The following DOK7 variants were observed in gnomAD, a reference collection of about 807,000 sequenced individuals.
The protein encoded by DOK7 is protein Dok-7.
A neutral mutation model predicts 30.7 loss-of-function variants in DOK7; 32 were observed. The ratio of observed to expected loss-of-function variants is 1.04; its 90% CI spans 0.79 to 1.40. DOK7 has a LOEUF of 1.40. DOK7 is among the 40% of genes most tolerant of loss of function. The pLI is 0.00. For synonymous variants in DOK7, 447 were observed against 324.1 expected (o/e 1.38, Z -4.07); for missense variants, 1,007 against 699.2 (o/e 1.44, Z -4.97).
rs1449408185 is a variant in DOK7, at chr4:3,468,902, T to A, written c.101-4504T>A. Reference sequence around the variant, plus strand: ...ACGAGTGTGCCTGTGTATGTGTGCATGTCTGTGTGTGTATGTGTGTATGAG... The same window carrying A: ...ACGAGTGTGCCTGTGTATGTGTGCAAGTCTGTGTGTGTATGTGTGTATGAG... On this transcript the variant is annotated intron_variant, in intron 2 of 6. Transcript: ENST00000340083. Among the ~76,000 whole-genome samples, 3 of 132,602 alleles carry A rather than the reference T, an allele frequency of 2.3e-5. No homozygotes were observed. In the East Asian group the frequency reaches 6.1e-4, roughly 27 times the overall value. 87.0% of individuals were successfully genotyped at this position (132,602 alleles called of 152,430 possible). A position where few individuals can be genotyped will look rare whatever the true frequency, so the allele number is the denominator to read the frequency against.
chr4:3,485,721 G>T, intron 5 of DOK7, 63 bp downstream of exon 5: 1 of 1,434,572 alleles, frequency 7.0e-7, no homozygotes. Context: ...ACGTCCCGGG[G>T]CGGGGGGCCA....
chr4:3,464,744 C>T (rs976114735), intron 2 of DOK7, among the ~76,000 whole-genome samples: 3 of 152,134 alleles, frequency 2.0e-5, no homozygotes, highest in Admixed American at 1.3e-4. Flanking sequence ...AGAGGAGTGT[C>T]GGGGGAGAAG....
chr4:3,491,158 T>C (rs1249778370), intron 6 of DOK7, among the ~76,000 whole-genome samples: 1 of 89,548 alleles, frequency 1.1e-5, no homozygotes, highest in African/African-American at 4.3e-5. Context: ...CCTTCCTTCC[T>C]TCTTCCTCCT....
intron 5 of DOK7, 80 bp from the exon 6 acceptor site, chr4:3,489,597 A>T: frequency 6.5e-7 from 1 of 1,548,318 alleles, no homozygotes; most frequent in Non-Finnish European, 8.7e-7. Context: ...ATAACCACTG[A>T]GTCAGGCTGG....
intron 2 of DOK7, among the ~76,000 whole-genome samples, chr4:3,469,740 A>G (rs974237644): frequency 4.6e-5 from 7 of 152,140 alleles, no homozygotes; most frequent in Non-Finnish European, 1.0e-4. Flanking sequence ...TGGAGCTTCC[A>G]TCTCTCTGGT....
In DOK7 at chr4:3,494,241, A is replaced by G. The variant is rs1322396542; in HGVS notation, c.*740A>G. The G allele has an allele frequency of 2.0e-6, 2 of 985,384 alleles. No homozygotes were observed. Among genetic ancestry groups the G allele is most frequent in the Non-Finnish European group, 2.4e-6 (2 of 830,002 alleles). 61.0% of individuals were successfully genotyped at this position (985,384 alleles called of 1,614,324 possible). A position where few individuals can be genotyped will look rare whatever the true frequency, so the allele number is the denominator to read the frequency against. On this transcript the variant is annotated 3_prime_UTR_variant, in exon 7 of 7. Transcript: ENST00000340083. ...CTGGCTCCTGTCTGAACCTCCTCGC[A>G]GGGCCAAAGGCTGGCTTGGCCTGTG...
At chr4:3,470,504 G>C (rs1344426480) in intron 2 of DOK7, among the ~76,000 whole-genome samples, 1 of 152,180 alleles carries the variant, frequency 6.6e-6, no homozygotes, top group African/African-American at 2.4e-5. Context: ...ATCAGAAAGA[G>C]GTCTGAGGGT....
intron 3 of DOK7, 108 bp from the exon 4 acceptor site, chr4:3,476,234 G>C (rs184901863): frequency 1.4e-5 from 3 of 219,008 alleles, no homozygotes; most frequent in Admixed American, 2.2e-4. Context: ...CCGCCTGCCC[G>C]TGATGCCCTC....
chr4:3,491,648 C>A (rs1246280285), intron 6 of DOK7, among the ~76,000 whole-genome samples: 1 of 152,230 alleles, frequency 6.6e-6, no homozygotes, highest in East Asian at 1.9e-4. Flanking sequence ...CCTTTGAATC[C>A]TTTCCTGCCC....
At chr4:3,500,210 T>G in intron 6 of DOK7, 1 of 1,530,590 alleles carries the variant, frequency 6.5e-7, no homozygotes, top group Non-Finnish European at 8.7e-7. Flanking sequence ...TCTGTGCCCC[T>G]CTCGGTCCCC....
chr4:3,491,411 CTTCTTTCCTTCTTCCCCTGCTCA>C (rs999074774), intron 6 of DOK7, among the ~76,000 whole-genome samples: 5 of 45,732 alleles, frequency 1.1e-4, no homozygotes, highest in Non-Finnish European at 1.9e-4. Context: ...CCCCAGCTTC[CTTCTTTCCTTCTTCCCCTGCTCA>C]TTCATTTCTT....
chr4:3,475,201 C>A (rs1397799504), intron 3 of DOK7, among the ~76,000 whole-genome samples: 1 of 152,222 alleles, frequency 6.6e-6, no homozygotes, highest in Non-Finnish European at 1.5e-5. Flanking sequence ...CCAGAAAGTT[C>A]TCCCGTTGGG....
chr4:3,464,740 G>A (rs1241915753), intron 2 of DOK7, among the ~76,000 whole-genome samples: 1 of 152,194 alleles, frequency 6.6e-6, no homozygotes, highest in African/African-American at 2.4e-5. Context: ...CCAAAGAGGA[G>A]TGTCGGGGGA....
At chr4:3,468,015 C>A (rs1337056218) in intron 2 of DOK7, among the ~76,000 whole-genome samples, 1 of 152,228 alleles carries the variant, frequency 6.6e-6, no homozygotes, top group Non-Finnish European at 1.5e-5. Context: ...AAGATTTCAA[C>A]ACTGGAATTT....
chr4:3,466,061 C>T (rs1357998753), intron 2 of DOK7, among the ~76,000 whole-genome samples: 1 of 152,210 alleles, frequency 6.6e-6, no homozygotes, highest in African/African-American at 2.4e-5. Context: ...CTCAGAAAAG[C>T]CACCGGGAGG....
chr4:3,464,839 C>G (rs1240602597), intron 2 of DOK7, among the ~76,000 whole-genome samples: 1 of 152,194 alleles, frequency 6.6e-6, no homozygotes, highest in Non-Finnish European at 1.5e-5. Flanking sequence ...GGTGTGCTCC[C>G]CCGGCCGGTG....
intron 6 of DOK7, among the ~76,000 whole-genome samples, chr4:3,490,110 C>CCTCATTCATTCCTTTCTTCACCCCCT (rs112331566): frequency 0.037 from 1,927 of 52,690 alleles, 159 homozygotes; most frequent in East Asian, 0.058. Flanking sequence ...TTCTTCACCC[C>CCTCATTCATTCCTTTCTTCACCCCCT]CATTCATTCC....
At chr4:3,492,003 G>A (rs1173645109) in intron 6 of DOK7, among the ~76,000 whole-genome samples, 5 of 152,226 alleles carry the variant, frequency 3.3e-5, no homozygotes, top group African/African-American at 1.2e-4. Context: ...CCCTGCCCCA[G>A]GAGGAGGGGA....
intron 6 of DOK7, among the ~76,000 whole-genome samples, chr4:3,490,787 TCA>T (rs1456532865): frequency 3.9e-5 from 3 of 77,424 alleles, no homozygotes; most frequent in Admixed American, 1.5e-4. Context: ...CCCGGCTCAT[TCA>T]TTCCTTCCTC....
Sources: gnomAD v4.1 joint callset for allele counts (sites outside exome capture counted in the v4.1 genomes callset) on GRCh38, gnomAD v4.1.1 for gene constraint, MANE v1.5 for transcripts, NCBI Gene and HGNC (gene_info 2026-07-23, HGNC 2026-07-21) for gene names.